B9D2: variants seen among roughly 807,000 people sequenced by gnomAD.
B9D2 encodes B9 domain-containing protein 2.
Under a neutral mutation model 19.2 loss-of-function variants are expected in B9D2, and 21 were observed. The observed-to-expected ratio is 1.09, with a 90% CI of 0.78 to 1.58. The LOEUF (loss-of-function observed/expected upper bound fraction) is 1.58. Among genes scored for constraint, B9D2 ranks in the 40% most tolerant of loss-of-function variants. B9D2 has a pLI of 0.00. For missense variants in B9D2, 221 were observed against 244.3 expected (o/e 0.90, Z 0.64); for synonymous variants, 91 against 100.6 (o/e 0.90, Z 0.57).
intron 3 of B9D2, among the ~76,000 whole-genome samples, chr19:41,357,194 G>C (rs569055931): frequency 6.6e-6 from 1 of 152,202 alleles, no homozygotes; most frequent in East Asian, 1.9e-4. Context: ...GGCTCCCACA[G>C]CCTCTCCAAA....
At chr19:41,355,350 A>G (rs1419026706) in intron 3 of B9D2, among the ~76,000 whole-genome samples, 1 of 152,094 alleles carries the variant, frequency 6.6e-6, no homozygotes, top group East Asian at 1.9e-4. Context: ...ATCCTCCTCC[A>G]TGACCCCATG....
chr19:41,361,786 CA>C (rs1458339136), intron 2 of B9D2, among the ~76,000 whole-genome samples: 23 of 43,960 alleles, frequency 5.2e-4, no homozygotes, highest in Admixed American at 8.0e-4. Flanking sequence ...GACTCTGTCT[CA>C]AAAAAAAAAG....
At position 41,363,423 on chromosome 19, in the gene B9D2, G is replaced by GGGGA; in HGVS notation, c.88+5_88+8dup. 6.2e-7 allele frequency: 1 copy of GGGGA among 1,613,834 alleles called. No homozygotes were observed. The highest frequency in any genetic ancestry group is 1.1e-5 in the South Asian group (1 of 91,072). ...TTGGTGTGGAAATGAACCAGGCTTG[G>GGGGA]GGGAATACCTGTGTGAATGCCCCAC... On this transcript the variant is annotated intron_variant, in intron 2 of 3. Transcript: ENST00000243578.
chr19:41,361,091 A>G (rs548581918), intron 2 of B9D2: 3 of 152,350 alleles, frequency 2.0e-5, no homozygotes, highest in African/African-American at 7.2e-5. Flanking sequence ...TGACTATAGC[A>G]GACCAAGGTC....
rs368434905 is a variant in B9D2, at chr19:41,357,997, G to T, written c.114C>A (p.Gly38=). The change falls in exon 3 of 4, where the codon GGC becomes GGA. Residue 38 remains glycine (G), a synonymous_variant. Transcript: ENST00000243578. The part of the protein sequence containing the change: ...HTGAAWKLLS[G]VREGQTQVDT... ...CCACTTGCGTTTGGCCCTCCCGCAC[G>T]CCTGACAGGAGCTTCCATGCCGCCC... 1 of 1,614,122 alleles carries T rather than the reference G, an allele frequency of 6.2e-7. No individual in the cohort carries two copies. The highest frequency in any genetic ancestry group is 8.5e-7 in the Non-Finnish European group (1 of 1,180,002).
At chr19:41,363,065 C>T (rs1210251215) in intron 2 of B9D2, 3 of 276,928 alleles carry the variant, frequency 1.1e-5, no homozygotes, top group Admixed American at 9.4e-5. Flanking sequence ...GGCAACATAG[C>T]GAGACCCTGT....
At chr19:41,363,207 C>T (rs1226163502) in intron 2 of B9D2, 1 of 589,744 alleles carries the variant, frequency 1.7e-6, no homozygotes, top group Admixed American at 2.6e-5. Flanking sequence ...GATCACACCA[C>T]CTTACTCCAG....
rs761918700 is a variant in B9D2 at position 41,354,920 on chromosome 19, G to C, written c.308C>G (p.Pro103Arg). 1 of 1,613,200 alleles carries C rather than the reference G, an allele frequency of 6.2e-7. No homozygotes were observed. Residue 103 changes from proline to arginine, a missense_variant, in exon 4 of 4, where the codon CCG becomes CGG. Physicochemically the swap from Pro to Arg is moderately radical, Grantham distance 103 (BLOSUM62 -2). Coordinates refer to ENST00000243578, the MANE Select transcript of B9D2 (RefSeq NM_030578.4). ...GYGFCHVPSS[P>R]GTHQLACPTW... The stretch of plus-strand genomic sequence containing the variant: ...GGGGCAGGCCAGCTGGTGGGTGCCC[G>C]GGCTACTGGGCACATGGCAAAATCC...
In B9D2 at chr19:41,354,898, G is replaced by A. The variant is rs759391173; in HGVS notation, c.330C>T (p.Cys110=). The A allele has an allele frequency of 1.9e-6, 3 of 1,613,544 alleles. No homozygotes were observed. The highest frequency in any genetic ancestry group is 3.3e-5 in the Admixed American group (2 of 59,990). ...PSSPGTHQLA[C]PTWRPLGSWR... ...AACTGCCCAGGGGCCGCCACGTGGG[G>A]CAGGCCAGCTGGTGGGTGCCCGGGC... is the stretch of plus-strand genomic sequence containing the variant. Residue 110 remains cysteine, a synonymous_variant, in exon 4 of 4, where the codon TGC becomes TGT. Transcript: ENST00000243578.
At chr19:41,355,582 T>C (rs1019981747) in intron 3 of B9D2, among the ~76,000 whole-genome samples, 1 of 152,198 alleles carries the variant, frequency 6.6e-6, no homozygotes, top group Admixed American at 6.6e-5. Context: ...CTCAGTCTGG[T>C]AGTCAAAGCC....
chr19:41,360,244 C>G (rs1021128669), intron 2 of B9D2, among the ~76,000 whole-genome samples: 1 of 152,172 alleles, frequency 6.6e-6, no homozygotes, highest in Non-Finnish European at 1.5e-5. Context: ...GGCACAATCA[C>G]AGCTCACTAC....
Position 41,354,825 on chromosome 19 carries a change from G to A in B9D2, c.403C>T (p.Leu135=), listed in dbSNP as rs772958819. 6.2e-7 allele frequency: 1 copy of A among 1,613,998 alleles called. No individual in the cohort carries two copies. The highest frequency in any genetic ancestry group is 1.3e-5 in the African/African-American group (1 of 75,060). ...RAFVGGGPQL[L]HGDTIYSGAD... ...CCACTGTAGATGGTGTCCCCATGCA[G>A]CAGCTGCGGCCCACCACCCACGAAA... The change falls in exon 4 of 4, where the codon CTG becomes TTG. Residue 135 remains leucine (L), a synonymous_variant. Coordinates refer to ENST00000243578, the MANE Select transcript of B9D2 (RefSeq NM_030578.4).
In B9D2 at chr19:41,363,448, C is replaced by T. The variant is rs2038447068; in HGVS notation, c.72G>A (p.Lys24=). 6.2e-7 allele frequency: 1 copy of T among 1,614,158 alleles called. No individual in the cohort carries two copies. The highest frequency in any genetic ancestry group is 1.3e-5 in the African/African-American group (1 of 75,034). ...GGGGAATACCTGTGTGAATGCCCCA[C>T]TTGCAGAAGAGGCTACTTTCCGAGA... is the stretch of plus-strand genomic sequence containing the variant. ...SGFSESSLFC[K]WGIHTGAAWK... The change falls in exon 2 of 4, where the codon AAG becomes AAA. Residue 24 remains lysine (K), a synonymous_variant. Coordinates refer to ENST00000243578, the MANE Select transcript of B9D2 (RefSeq NM_030578.4).
At position 41,354,559 on chromosome 19, in the gene B9D2, G is replaced by T; in HGVS notation, c.*141C>A. ...GGCCCAGAGGGACCCCGAGGTCCTA[G>T]AAAGGACAGAAGCGGTGCCATGCCT... On this transcript the variant is annotated 3_prime_UTR_variant, in exon 4 of 4. Transcript: ENST00000243578. The T allele has an allele frequency of 8.7e-7, 1 of 1,155,140 alleles. No homozygotes were observed. Among genetic ancestry groups the T allele is most frequent in the Non-Finnish European group, 1.3e-6 (1 of 796,748 alleles). 71.6% of individuals were successfully genotyped at this position (1,155,140 alleles called of 1,614,324 possible). A position where few individuals can be genotyped will look rare whatever the true frequency, so the allele number is the denominator to read the frequency against.
At chr19:41,362,549 T>C (rs538239664) in intron 2 of B9D2, among the ~76,000 whole-genome samples, 1 of 152,290 alleles carries the variant, frequency 6.6e-6, no homozygotes, top group South Asian at 2.1e-4. Context: ...GAATGAGCAC[T>C]TCCTATTCCA....
At chr19:41,356,992 G>A (rs2038324211) in intron 3 of B9D2, among the ~76,000 whole-genome samples, 2 of 151,944 alleles carry the variant, frequency 1.3e-5, no homozygotes, top group African/African-American at 2.4e-5. Context: ...CTGCCGTCCC[G>A]CTCTCCCTCA....
intron 3 of B9D2, among the ~76,000 whole-genome samples, chr19:41,356,033 G>A (rs2038308082): frequency 6.6e-6 from 1 of 152,190 alleles, no homozygotes; most frequent in African/African-American, 2.4e-5. Context: ...GCCTGGTGGG[G>A]ACAGCATGGC....
chr19:41,363,908 CAGGTCCGA>C (rs1274098629), intron 1 of B9D2, 42 bp downstream of exon 1: 5 of 437,510 alleles, frequency 1.1e-5, no homozygotes. Flanking sequence ...GTTATGAGTT[CAGGTCCGA>C]CTTAACCCCG....
intron 2 of B9D2, among the ~76,000 whole-genome samples, chr19:41,359,105 C>T (rs892165341): frequency 6.6e-6 from 1 of 152,058 alleles, no homozygotes; most frequent in Admixed American, 6.6e-5. Flanking sequence ...TGCACTCCAG[C>T]TGGTGTGACA....
Sources: gnomAD v4.1 joint callset for allele counts (sites outside exome capture counted in the v4.1 genomes callset) on GRCh38, gnomAD v4.1.1 for gene constraint, MANE v1.5 for transcripts, NCBI Gene and HGNC (gene_info 2026-07-23, HGNC 2026-07-21) for gene names.